PANX1: variants seen among roughly 807,000 people sequenced by gnomAD.
PANX1 encodes pannexin 1, also known as pannexin-1.
PANX1 carries 30 observed loss-of-function variants against 38.7 expected under a neutral mutation model. The ratio of observed to expected loss-of-function variants is 0.78; its 90% CI spans 0.58 to 1.05. PANX1 has a LOEUF of 1.05. Among genes scored for constraint, PANX1 ranks in the 50% least tolerant of loss-of-function variants. The pLI, the probability that PANX1 is intolerant of heterozygous loss-of-function variation, is 0.00. For synonymous variants in PANX1, 230 were observed against 212.2 expected (o/e 1.08, Z -0.73); for missense variants, 551 against 517.2 (o/e 1.07, Z -0.63).
intron 1 of PANX1, among the ~76,000 whole-genome samples, chr11:94,136,041 A>G (rs1591504048): frequency 6.6e-6 from 1 of 152,218 alleles, no homozygotes; most frequent in Admixed American, 6.5e-5. Context: ...CTACTCACAC[A>G]TAAAGCTTGT....
At chr11:94,149,613 T>G (rs1946863793) in intron 1 of PANX1, among the ~76,000 whole-genome samples, 1 of 152,216 alleles carries the variant, frequency 6.6e-6, no homozygotes, top group Non-Finnish European at 1.5e-5. Context: ...TTGTTGTTCT[T>G]GGCATAAACC....
intron 1 of PANX1, among the ~76,000 whole-genome samples, chr11:94,136,793 A>G (rs370457201): frequency 4.6e-5 from 7 of 152,038 alleles, no homozygotes; most frequent in Non-Finnish European, 1.0e-4. Context: ...AACTTGATAC[A>G]TAGAAGTATT....
intron 2 of PANX1, among the ~76,000 whole-genome samples, chr11:94,160,601 T>C (rs998827801): frequency 2.0e-5 from 3 of 152,242 alleles, no homozygotes; most frequent in Admixed American, 6.5e-5. Context: ...CACCCCTTTA[T>C]TTTGAGCCTA....
intron 2 of PANX1, among the ~76,000 whole-genome samples, chr11:94,162,519 G>A (rs534934089): frequency 6.6e-6 from 1 of 152,232 alleles, no homozygotes; most frequent in Non-Finnish European, 1.5e-5. Flanking sequence ...CTCCGAGCCA[G>A]GCGCTGGATA....
chr11:94,151,320 G>T (rs1946880502), intron 1 of PANX1, among the ~76,000 whole-genome samples: 1 of 152,054 alleles, frequency 6.6e-6, no homozygotes, highest in African/African-American at 2.4e-5. Context: ...CTGCCTTGAG[G>T]GGGAGGTCCT....
At position 94,129,499 on chromosome 11, in the gene PANX1, C is replaced by G; in HGVS notation, c.181+6C>G. On this transcript the variant is annotated splice_donor_region_variant and intron_variant, in intron 1 of 4. Coordinates refer to ENST00000227638, the MANE Select transcript of PANX1 (RefSeq NM_015368.4). ...CGCGCAGGAGATCTCGATTGGTAAG[C>G]CTCGCCCAGGACGGAGGGGAGTGGC... 6.2e-7 allele frequency: 1 copy of G among 1,604,522 alleles called. No individual in the cohort carries two copies. Among genetic ancestry groups the G allele is most frequent in the Non-Finnish European group, 8.5e-7 (1 of 1,173,812 alleles).
intron 2 of PANX1, among the ~76,000 whole-genome samples, chr11:94,163,987 A>G (rs55905465): frequency 0.3 from 45,152 of 151,562 alleles, 7,751 homozygotes; most frequent in Admixed American, 0.4. Context: ...AAATTTATCA[A>G]TTTTTTTTAG....
intron 1 of PANX1, among the ~76,000 whole-genome samples, chr11:94,142,833 C>T (rs1018772957): frequency 1.3e-5 from 2 of 152,202 alleles, no homozygotes; most frequent in Non-Finnish European, 2.9e-5. Context: ...TCTGTTGCCC[C>T]GTGTAGAAAC....
intron 2 of PANX1, among the ~76,000 whole-genome samples, chr11:94,155,557 G>A (rs531972714): frequency 1.6e-4 from 25 of 152,044 alleles, no homozygotes; most frequent in South Asian, 6.2e-4. Context: ...GGCAAAACGC[G>A]CAATTACTTT....
chr11:94,144,460 C>T (rs961265909), intron 1 of PANX1, among the ~76,000 whole-genome samples: 3 of 152,130 alleles, frequency 2.0e-5, no homozygotes, highest in African/African-American at 7.2e-5. Flanking sequence ...GGTGCCCAGT[C>T]CCCTCCACCC....
chr11:94,180,841 G>A lies in PANX1; in HGVS notation c.1253G>A (p.Arg418Gln), dbSNP rs368311655. ...TKANNGEKNA[R>Q]QRLLDSSC ...GCAAATAATGGAGAGAAGAATGCCC[G>A]ACAGAGACTTCTGGATTCTTCTTGC... The change falls in exon 5 of 5, where the codon CGA becomes CAA. Residue 418 changes from arginine (R) to glutamine (Q), a missense_variant. By Grantham distance (43) the Arg-to-Gln change is conservative. Coordinates refer to ENST00000227638, the MANE Select transcript of PANX1 (RefSeq NM_015368.4). The A allele has an allele frequency of 2.8e-5, 44 of 1,591,762 alleles. No homozygotes were observed. In the African/African-American group the frequency reaches 3.5e-4, roughly 13 times the overall value.
At chr11:94,148,744 A>G (rs928368043) in intron 1 of PANX1, among the ~76,000 whole-genome samples, 2 of 152,188 alleles carry the variant, frequency 1.3e-5, no homozygotes, top group African/African-American at 4.8e-5. Flanking sequence ...ACTTAAAATC[A>G]TTTCGCAGAC....
chr11:94,174,442 A>G (rs1273912315), intron 2 of PANX1, among the ~76,000 whole-genome samples: 2 of 151,638 alleles, frequency 1.3e-5, no homozygotes, highest in Admixed American at 1.3e-4. Flanking sequence ...GAGTCTTAAC[A>G]TAAGGCTTTG....
At chr11:94,159,284 A>G (rs981281047) in intron 2 of PANX1, among the ~76,000 whole-genome samples, 1 of 151,964 alleles carries the variant, frequency 6.6e-6, no homozygotes, top group Admixed American at 6.6e-5. Context: ...GTTAGGGAGG[A>G]TTCCCTCTTT....
At chr11:94,143,070 A>G (rs570425191) in intron 1 of PANX1, among the ~76,000 whole-genome samples, 2 of 152,356 alleles carry the variant, frequency 1.3e-5, no homozygotes, top group Non-Finnish European at 2.9e-5. Context: ...AGTAACAGTC[A>G]TTGTAAGTCC....
At chr11:94,179,506 A>C in intron 3 of PANX1, 96 bp from the exon 4 acceptor site, 1 of 864,982 alleles carries the variant, frequency 1.2e-6, no homozygotes, top group Non-Finnish European at 1.8e-6. Context: ...TGGGTGTTTG[A>C]AATTTTTAGT....
intron 2 of PANX1, chr11:94,175,607 C>T: frequency 3.4e-6 from 1 of 293,086 alleles, no homozygotes; most frequent in Non-Finnish European, 5.1e-6. Context: ...AAAGTTTTCT[C>T]CCTGTGGTTC....
At chr11:94,163,008 G>A (rs939629566) in intron 2 of PANX1, among the ~76,000 whole-genome samples, 11 of 151,902 alleles carry the variant, frequency 7.2e-5, no homozygotes, top group African/African-American at 2.4e-4. Context: ...AAGTAGCTGG[G>A]ACTACAGGCA....
intron 2 of PANX1, among the ~76,000 whole-genome samples, chr11:94,169,011 C>T (rs768804047): frequency 6.6e-6 from 1 of 151,640 alleles, no homozygotes; most frequent in Non-Finnish European, 1.5e-5. Flanking sequence ...GGAGGAAAAT[C>T]AAAGAGTTCT....
Sources: allele counts gnomAD v4.1 joint callset (sites outside exome capture counted in the v4.1 genomes callset), GRCh38; gene constraint gnomAD v4.1.1; transcripts MANE v1.5; gene names NCBI Gene and HGNC (gene_info 2026-07-23, HGNC 2026-07-21).